TMEM72: variants seen among roughly 807,000 people sequenced by gnomAD.
TMEM72 encodes the protein kidney-specific secretory protein of 37 kDa.
In TMEM72, 9 loss-of-function variants were observed where a neutral mutation model predicts 16.3. That is an observed-to-expected ratio of 0.55 (90% confidence interval 0.33 to 0.96). The LOEUF (loss-of-function observed/expected upper bound fraction) is 0.96. TMEM72 is among the 40% of genes least tolerant of loss of function. The pLI is 0.03. For missense variants in TMEM72, 324 were observed against 337.8 expected, an observed-to-expected ratio of 0.96 and a Z score of 0.32; for synonymous variants, 160 against 146.5, an observed-to-expected ratio of 1.09 and a Z score of -0.66.
At chr10:44,926,693 T>A (rs757545151) in intron 1 of TMEM72, among the ~76,000 whole-genome samples, 7 of 152,046 alleles carry the variant, frequency 4.6e-5, no homozygotes, top group Admixed American at 6.5e-5. Context: ...CCCAGAGCCC[T>A]CCATCCATTG....
At position 44,928,208 on chromosome 10, in the gene TMEM72, A is replaced by G. The variant is rs79065395; in HGVS notation, c.137+221A>G. 3.4e-3 allele frequency among the ~76,000 whole-genome samples: 513 copies of G among 152,170 alleles called. 4 individuals are homozygous for G. Among genetic ancestry groups the G allele is most frequent in the African/African-American group, 0.012 (490 of 41,476 alleles). ...TTTCTACCCACCCAACCATCCACCA[A>G]TTGATCCAGCCAGCCACCCATCTAT... On this transcript the variant is annotated intron_variant, in intron 2 of 4. Coordinates refer to ENST00000389583, the MANE Select transcript of TMEM72 (RefSeq NM_001123376.3).
intron 1 of TMEM72, among the ~76,000 whole-genome samples, chr10:44,922,156 C>G (rs1318745272): frequency 6.6e-6 from 1 of 152,164 alleles, no homozygotes; most frequent in African/African-American, 2.4e-5. Context: ...AAATCTGAAA[C>G]CTGGCAGAAA....
chr10:44,934,370 A>C (rs1472885919), intron 4 of TMEM72, among the ~76,000 whole-genome samples: 1 of 152,090 alleles, frequency 6.6e-6, no homozygotes, highest in Non-Finnish European at 1.5e-5. Context: ...CCCCCTCCTC[A>C]TGAACCCATC....
intron 1 of TMEM72, among the ~76,000 whole-genome samples, chr10:44,916,281 G>A (rs1267548197): frequency 1.3e-5 from 2 of 152,112 alleles, no homozygotes; most frequent in Non-Finnish European, 1.5e-5. Flanking sequence ...AATCAACCTG[G>A]AATCACTGAG....
intron 4 of TMEM72, among the ~76,000 whole-genome samples, chr10:44,934,143 C>A (rs1411504700): frequency 6.6e-6 from 1 of 152,156 alleles, no homozygotes; most frequent in Non-Finnish European, 1.5e-5. Flanking sequence ...TCATTCAGGT[C>A]CAAACTCCTC....
Position 44,933,617 on chromosome 10 carries a change from C to T in TMEM72, c.210-20C>T. 1 of 1,608,670 alleles carries T rather than the reference C, an allele frequency of 6.2e-7. No individual in the cohort carries two copies. Among genetic ancestry groups the T allele is most frequent in the Non-Finnish European group, 8.5e-7 (1 of 1,176,270 alleles). ...GTTTTCCTGGGACACATTATGCTAA[C>T]CTGGACTCCCTCTCCCCAGGTGTCA... On this transcript the variant is annotated intron_variant, in intron 3 of 4. Coordinates refer to ENST00000389583, the MANE Select transcript of TMEM72 (RefSeq NM_001123376.3).
chr10:44,929,816 C>A (rs1840265505), intron 2 of TMEM72, among the ~76,000 whole-genome samples: 1 of 152,292 alleles, frequency 6.6e-6, no homozygotes, highest in Admixed American at 6.5e-5. Flanking sequence ...TGCCCAAGCA[C>A]CGTCCACCCA....
intron 1 of TMEM72, among the ~76,000 whole-genome samples, chr10:44,913,158 A>G (rs1465806510): frequency 6.6e-6 from 1 of 152,096 alleles, no homozygotes; most frequent in Admixed American, 6.5e-5. Flanking sequence ...AAGACCCCCA[A>G]CAAGCAAAAA....
intron 1 of TMEM72, 130 bp from the exon 2 acceptor site, chr10:44,927,791 G>A: frequency 1.2e-6 from 1 of 842,970 alleles, no homozygotes; most frequent in Non-Finnish European, 1.9e-6. Context: ...CCTGTATCAT[G>A]AAGAGAAGAA....
chr10:44,914,000 G>C (rs1839977130), intron 1 of TMEM72, among the ~76,000 whole-genome samples: 1 of 152,210 alleles, frequency 6.6e-6, no homozygotes, highest in African/African-American at 2.4e-5. Context: ...CTGCTAAGAG[G>C]CTACAGCCTC....
chr10:44,926,735 C>G (rs540802786), intron 1 of TMEM72, among the ~76,000 whole-genome samples: 6 of 152,294 alleles, frequency 3.9e-5, no homozygotes, highest in African/African-American at 1.2e-4. Context: ...TTCTCACCTG[C>G]CTAGATCCAA....
At chr10:44,924,880 G>T (rs1166014471) in intron 1 of TMEM72, among the ~76,000 whole-genome samples, 1 of 152,266 alleles carries the variant, frequency 6.6e-6, no homozygotes, top group Admixed American at 6.5e-5. Flanking sequence ...GTTGGAGGGA[G>T]CTTGTGGGAG....
At chr10:44,920,172 G>A (rs972629746) in intron 1 of TMEM72, 2 of 152,262 alleles carry the variant, frequency 1.3e-5, no homozygotes, top group Admixed American at 6.5e-5. Flanking sequence ...GCAACAGTGA[G>A]TACAAAATTC....
At chr10:44,929,368 T>C (rs1434880945) in intron 2 of TMEM72, among the ~76,000 whole-genome samples, 1 of 152,188 alleles carries the variant, frequency 6.6e-6, no homozygotes, top group Non-Finnish European at 1.5e-5. Context: ...CCTGAAGAGC[T>C]TACTGAACTG....
chr10:44,928,941 A>G (rs560246841), intron 2 of TMEM72, among the ~76,000 whole-genome samples: 1 of 152,370 alleles, frequency 6.6e-6, no homozygotes, highest in South Asian at 2.1e-4. Flanking sequence ...ATGGGGAATC[A>G]GGTCAAAGAA....
chr10:44,917,726 A>T (rs1269876460), intron 1 of TMEM72, among the ~76,000 whole-genome samples: 1 of 151,988 alleles, frequency 6.6e-6, no homozygotes, highest in East Asian at 1.9e-4. Context: ...GGGTCAGATG[A>T]AGAAGCCTGA....
chr10:44,935,224 T>C lies in TMEM72; in HGVS notation c.*90T>C, dbSNP rs1564440469. ...GTTTCAGGGTCTTCTCTGGTCAGCT[T>C]TTCAAGGGGTAACCAGACACCCCCA... On this transcript the variant is annotated 3_prime_UTR_variant, in exon 5 of 5. Transcript: ENST00000389583. 3.8e-6 allele frequency: 5 copies of C among 1,309,494 alleles called. No homozygotes were observed. Among genetic ancestry groups the C allele is most frequent in the Non-Finnish European group, 2.1e-6 (2 of 963,330 alleles). 81.1% of individuals were successfully genotyped at this position (1,309,494 alleles called of 1,614,324 possible).
intron 1 of TMEM72, among the ~76,000 whole-genome samples, chr10:44,921,237 G>T (rs1407906955): frequency 1.3e-5 from 2 of 152,232 alleles, no homozygotes; most frequent in African/African-American, 2.4e-5. Flanking sequence ...ATCATGCAGG[G>T]AGTGAGACAG....
In TMEM72 at chr10:44,934,823, G is replaced by A. The variant is rs1379896145; in HGVS notation, c.517G>A (p.Gly173Arg). The part of the protein sequence containing the change: ...GDTEQTYTFH[G>R]ALKEGPSSLF... The stretch of plus-strand genomic sequence containing the variant: ...CACAGAGCAAACCTACACTTTCCAT[G>A]GGGCCCTCAAGGAGGGGCCCAGCTC... Residue 173 changes from glycine to arginine, a missense_variant, in exon 5 of 5, where the codon GGG (glycine) becomes AGG (arginine). By Grantham distance (125) the Gly-to-Arg change is moderately radical (BLOSUM62 -2). Coordinates refer to ENST00000389583, the MANE Select transcript of TMEM72 (RefSeq NM_001123376.3). 1.2e-6 allele frequency: 2 copies of A among 1,613,476 alleles called. No homozygotes were observed. Among genetic ancestry groups the A allele is most frequent in the Non-Finnish European group, 1.7e-6 (2 of 1,179,992 alleles).
Sources: gnomAD v4.1 joint callset for allele counts (sites outside exome capture counted in the v4.1 genomes callset) on GRCh38, gnomAD v4.1.1 for gene constraint, MANE v1.5 for transcripts, NCBI Gene and HGNC (gene_info 2026-07-23, HGNC 2026-07-21) for gene names.